The following ATXN7L1 variants were observed in gnomAD, a reference collection of about 807,000 sequenced individuals.
ATXN7L1 encodes the protein ataxin-7-like protein 1.
Under a neutral mutation model 70.8 loss-of-function variants are expected in ATXN7L1, and 15 were observed. That is an observed-to-expected ratio of 0.21 (90% CI 0.14 to 0.33). ATXN7L1 has a LOEUF of 0.33. ATXN7L1 is among the 10% of genes least tolerant of loss of function. The probability of loss-of-function intolerance (pLI) is 1.00; values close to 1 mark genes in which losing one functional copy is unlikely to be tolerated. For missense variants in ATXN7L1, 975 were observed against 1,097.1 expected, an observed-to-expected ratio of 0.89 and a Z score of 1.57; for synonymous variants, 440 against 445.1, an observed-to-expected ratio of 0.99 and a Z score of 0.14.
chr7:105,610,515 C>T lies in ATXN7L1; in HGVS notation c.2547+14G>A. On this transcript the variant is annotated intron_variant, in intron 11 of 11. Coordinates refer to ENST00000419735, the MANE Select transcript of ATXN7L1 (RefSeq NM_020725.2). Reference sequence around the variant, plus strand: ...ATATGAATTTTTGCCCCACCCCCACCCTCAGTAACTTACCTGTCGGCTGTG... The same window carrying T: ...ATATGAATTTTTGCCCCACCCCCACTCTCAGTAACTTACCTGTCGGCTGTG... 1 of 1,550,120 alleles carries T rather than the reference C, an allele frequency of 6.5e-7. No homozygotes were observed. Among genetic ancestry groups the T allele is most frequent in the Non-Finnish European group, 8.7e-7 (1 of 1,145,880 alleles).
At chr7:105,686,251 C>T (rs911723324) in intron 3 of ATXN7L1, among the ~76,000 whole-genome samples, 1 of 152,196 alleles carries the variant, frequency 6.6e-6, no homozygotes, top group African/African-American at 2.4e-5. Context: ...CACAGTGGCT[C>T]ATGCCTGTAA....
chr7:105,650,803 T>C (rs1335786822), intron 4 of ATXN7L1, among the ~76,000 whole-genome samples: 1 of 152,006 alleles, frequency 6.6e-6, no homozygotes, highest in African/African-American at 2.4e-5. Context: ...GGAGGAAAAA[T>C]GAACAAGCTG....
intron 3 of ATXN7L1, among the ~76,000 whole-genome samples, chr7:105,732,570 C>A (rs899974092): frequency 1.3e-5 from 2 of 152,120 alleles, no homozygotes; most frequent in Admixed American, 6.5e-5. Flanking sequence ...CCCCAAGGCC[C>A]CTCCAGCACC....
rs139345829 is a variant in ATXN7L1 at position 105,662,497 on chromosome 7, A to G, written c.578+2569T>C. Reference sequence around the variant, plus strand: ...TTGAGTTGGACTGGATTGAGTGTGGACAATGATTTGAACCAATGGTCTCCC... The same window carrying G: ...TTGAGTTGGACTGGATTGAGTGTGGGCAATGATTTGAACCAATGGTCTCCC... On this transcript the variant is annotated intron_variant, in intron 4 of 11. Coordinates refer to ENST00000419735, the MANE Select transcript of ATXN7L1 (RefSeq NM_020725.2). 5.7e-3 allele frequency among the ~76,000 whole-genome samples: 873 copies of G among 152,262 alleles called. 3 individuals carry two copies. Among genetic ancestry groups the G allele is most frequent in the Admixed American group, 0.017 (254 of 15,284 alleles).
chr7:105,776,777 CTTTT>C (rs796366065), intron 3 of ATXN7L1, among the ~76,000 whole-genome samples: 1 of 149,512 alleles, frequency 6.7e-6, no homozygotes, highest in African/African-American at 2.5e-5. Flanking sequence ...ATCCCAGACA[CTTTT>C]TTTTTTGAGA....
chr7:105,723,604 G>A (rs1419112442), intron 3 of ATXN7L1, among the ~76,000 whole-genome samples: 1 of 152,068 alleles, frequency 6.6e-6, no homozygotes, highest in African/African-American at 2.4e-5. Context: ...TTAAGATGAG[G>A]CTGCCCACCC....
intron 3 of ATXN7L1, among the ~76,000 whole-genome samples, chr7:105,706,931 GC>G (rs1289325217): frequency 2.0e-5 from 3 of 152,202 alleles, no homozygotes; most frequent in Non-Finnish European, 4.4e-5. Flanking sequence ...TTGTACAATG[GC>G]AAATAGTTAG....
intron 4 of ATXN7L1, among the ~76,000 whole-genome samples, chr7:105,658,398 T>C (rs112947112): frequency 7.2e-5 from 11 of 152,132 alleles, no homozygotes; most frequent in South Asian, 4.1e-4. Flanking sequence ...CTGTAGGCAA[T>C]TGTAATATAA....
intron 11 of ATXN7L1, among the ~76,000 whole-genome samples, chr7:105,609,680 T>C (rs1249608595): frequency 6.6e-6 from 1 of 152,022 alleles, no homozygotes; most frequent in Non-Finnish European, 1.5e-5. Flanking sequence ...TAGGCTGGTC[T>C]CAAACTACTG....
chr7:105,830,120 A>C (rs1188700245), intron 2 of ATXN7L1, among the ~76,000 whole-genome samples: 2 of 152,198 alleles, frequency 1.3e-5, no homozygotes, highest in African/African-American at 4.8e-5. Context: ...TCAGTTATTT[A>C]TCCTACTAGG....
chr7:105,872,398 G>T (rs551328269), intron 2 of ATXN7L1, among the ~76,000 whole-genome samples: 10 of 152,196 alleles, frequency 6.6e-5, no homozygotes, highest in African/African-American at 2.2e-4. Context: ...ACTCAAAATG[G>T]CCAAAATATG....
chr7:105,779,879 T>C (rs1803279403), intron 3 of ATXN7L1, among the ~76,000 whole-genome samples: 1 of 152,250 alleles, frequency 6.6e-6, no homozygotes, highest in Admixed American at 6.5e-5. Context: ...TTTATACTTC[T>C]GATGTTAAAA....
chr7:105,788,816 G>A (rs574440983), intron 2 of ATXN7L1, 108 bp from the exon 3 acceptor site: 43 of 851,770 alleles, frequency 5.0e-5, no homozygotes, highest in South Asian at 4.5e-4. Context: ...AACACAACAC[G>A]CAGAAAGGCA....
At chr7:105,681,784 C>A (rs575518107) in intron 3 of ATXN7L1, among the ~76,000 whole-genome samples, 1 of 152,146 alleles carries the variant, frequency 6.6e-6, no homozygotes, top group Non-Finnish European at 1.5e-5. Flanking sequence ...CAGTCACAAA[C>A]AGACAAATAA....
At chr7:105,641,363 C>T in intron 5 of ATXN7L1, among the ~76,000 whole-genome samples, 1 of 150,808 alleles carries the variant, frequency 6.6e-6, no homozygotes, top group Non-Finnish European at 1.5e-5. Context: ...CAGGCCTGTG[C>T]CTGGTCCCAC....
chr7:105,805,332 C>T (rs942113780), intron 2 of ATXN7L1, among the ~76,000 whole-genome samples: 10 of 152,194 alleles, frequency 6.6e-5, no homozygotes, highest in African/African-American at 2.4e-4. Context: ...AGAACGCCAG[C>T]TGCTCCAGGA....
At chr7:105,766,879 C>T (rs1265591453) in intron 3 of ATXN7L1, among the ~76,000 whole-genome samples, 1 of 152,242 alleles carries the variant, frequency 6.6e-6, no homozygotes, top group Non-Finnish European at 1.5e-5. Flanking sequence ...CAGTCTAAGG[C>T]CACATTTTGG....
chr7:105,708,613 C>G (rs973068903), intron 3 of ATXN7L1, among the ~76,000 whole-genome samples: 3 of 152,186 alleles, frequency 2.0e-5, no homozygotes, highest in Admixed American at 6.5e-5. Flanking sequence ...GCTTTTATCT[C>G]TATTCACTGA....
intron 3 of ATXN7L1, among the ~76,000 whole-genome samples, chr7:105,718,244 C>T (rs527466812): frequency 6.6e-6 from 1 of 152,302 alleles, no homozygotes; most frequent in East Asian, 1.9e-4. Flanking sequence ...TATAGGATAC[C>T]TGAGTGGGGA....
Sources: gnomAD v4.1 joint callset for allele counts (sites outside exome capture counted in the v4.1 genomes callset) on GRCh38, gnomAD v4.1.1 for gene constraint, MANE v1.5 for transcripts, NCBI Gene and HGNC (gene_info 2026-07-23, HGNC 2026-07-21) for gene names.